PCTP: variants seen among roughly 807,000 people sequenced by gnomAD.
The protein encoded by PCTP is START domain-containing protein 2.
A neutral mutation model predicts 31.0 loss-of-function variants in PCTP; 27 were observed. The observed-to-expected ratio is 0.87, with a 90% CI of 0.64 to 1.20. PCTP has a LOEUF of 1.20. Ranked by LOEUF, PCTP falls within the 50% of genes most tolerant of loss-of-function variation. PCTP has a pLI of 0.00. For synonymous variants in PCTP, 108 were observed against 101.2 expected (o/e 1.07, Z -0.40); for missense variants, 287 against 268.2 (o/e 1.07, Z -0.49).
chr17:55,802,921 C>T (rs114060926), intron 3 of PCTP, among the ~76,000 whole-genome samples: 2,112 of 152,256 alleles, frequency 0.014, 53 homozygotes, highest in African/African-American at 0.048. Context: ...GTCAAATTGT[C>T]TCTATTTGCA....
chr17:55,767,495 AC>A, intron 2 of PCTP, 43 bp downstream of exon 2: 1 of 1,349,320 alleles, frequency 7.4e-7, no homozygotes, highest in Non-Finnish European at 1.1e-6. Flanking sequence ...ACGTACTTTC[AC>A]TTTTGTAGCC....
At chr17:55,787,745 C>T (rs1028110624) in intron 3 of PCTP, 5 of 152,180 alleles carry the variant, frequency 3.3e-5, no homozygotes, top group African/African-American at 9.6e-5. Context: ...ACTGTCTTTT[C>T]GATCAGTCAG....
At chr17:55,755,066 A>G (rs1909937239) in intron 1 of PCTP, among the ~76,000 whole-genome samples, 1 of 152,210 alleles carries the variant, frequency 6.6e-6, no homozygotes, top group South Asian at 2.1e-4. Context: ...CAATTTGTTT[A>G]TATACTTCAT....
intron 3 of PCTP, among the ~76,000 whole-genome samples, chr17:55,820,615 T>C (rs1913083790): frequency 6.6e-6 from 1 of 152,234 alleles, no homozygotes. Context: ...CTTTAACATA[T>C]GAATTTTGAG....
intron 3 of PCTP, among the ~76,000 whole-genome samples, chr17:55,804,282 C>A (rs1317359561): frequency 6.6e-6 from 1 of 152,104 alleles, no homozygotes; most frequent in East Asian, 1.9e-4. Flanking sequence ...TAAATTAGTT[C>A]AACAATTGTG....
chr17:55,827,498 G>A (rs770163854), downstream of PCTP, among the ~76,000 whole-genome samples: 4 of 152,194 alleles, frequency 2.6e-5, no homozygotes, highest in Non-Finnish European at 4.4e-5. Context: ...TATTATTTAC[G>A]CTACTGGATT....
At chr17:55,848,401 A>T in the PCTP span, among the ~76,000 whole-genome samples, 1 of 152,138 alleles carries the variant, frequency 6.6e-6, no homozygotes. Flanking sequence ...GGAGGAGGGT[A>T]ATTGGTTGGG....
downstream of PCTP, among the ~76,000 whole-genome samples, chr17:55,780,469 C>A (rs768036679): frequency 6.6e-6 from 1 of 152,196 alleles, no homozygotes; most frequent in Non-Finnish European, 1.5e-5. Flanking sequence ...TAAAGTATTA[C>A]ATTTTCCTTC....
chr17:55,804,410 C>T (rs558886446), intron 3 of PCTP, among the ~76,000 whole-genome samples: 35 of 152,226 alleles, frequency 2.3e-4, no homozygotes, highest in Admixed American at 8.5e-4. Flanking sequence ...AAGACACATG[C>T]GCATGTATAT....
At chr17:55,788,998 C>A (rs1224133175) in intron 3 of PCTP, among the ~76,000 whole-genome samples, 2 of 152,122 alleles carry the variant, frequency 1.3e-5, no homozygotes, top group East Asian at 1.9e-4. Flanking sequence ...TTGAGCCTGG[C>A]ACCTACTGGC....
At chr17:55,774,653 G>A in intron 4 of PCTP, 139 bp from the exon 5 acceptor site, 2 of 682,518 alleles carry the variant, frequency 2.9e-6, no homozygotes, top group Admixed American at 2.3e-5. Flanking sequence ...TCAATGGAGA[G>A]AAGTCCATCT....
At chr17:55,751,944 GC>G (rs1909741612) in intron 1 of PCTP, among the ~76,000 whole-genome samples, 1 of 152,214 alleles carries the variant, frequency 6.6e-6, no homozygotes, top group Non-Finnish European at 1.5e-5. Context: ...TCGCAGCATG[GC>G]AAGTAGGTTA....
downstream of PCTP, among the ~76,000 whole-genome samples, chr17:55,843,673 T>A (rs977192897): frequency 6.6e-6 from 1 of 152,186 alleles, no homozygotes; most frequent in African/African-American, 2.4e-5. Context: ...CTCGCATGAC[T>A]CTTACCAGCT....
intron 1 of PCTP, among the ~76,000 whole-genome samples, chr17:55,756,432 AT>A (rs1408398425): frequency 6.6e-6 from 1 of 152,192 alleles, no homozygotes; most frequent in Admixed American, 6.5e-5. Context: ...TGGAAGTAAC[AT>A]TTGGCCGATT....
chr17:55,843,832 G>A (rs1362400503), downstream of PCTP, among the ~76,000 whole-genome samples: 1 of 152,180 alleles, frequency 6.6e-6, no homozygotes, highest in African/African-American at 2.4e-5. Flanking sequence ...GTGTGTATAT[G>A]AAATTAAATT....
intron 3 of PCTP, among the ~76,000 whole-genome samples, chr17:55,772,897 A>G (rs1210580855): frequency 6.6e-6 from 1 of 152,134 alleles, no homozygotes; most frequent in African/African-American, 2.4e-5. Flanking sequence ...CATCTGTAGT[A>G]TGGGGATACT....
downstream of PCTP, among the ~76,000 whole-genome samples, chr17:55,823,428 G>C (rs1213546181): frequency 6.6e-6 from 1 of 152,122 alleles, no homozygotes; most frequent in African/African-American, 2.4e-5. Context: ...TGACTAAAAA[G>C]TAGCGACTGG....
At chr17:55,755,973 A>G (rs9905070) in intron 1 of PCTP, among the ~76,000 whole-genome samples, 5,498 of 152,312 alleles carry the variant, frequency 0.036, 321 homozygotes, top group African/African-American at 0.12. Context: ...ACTTGCTTCC[A>G]TACAAGAACT....
At chr17:55,825,062 T>C (rs1905352428), downstream of PCTP, among the ~76,000 whole-genome samples, 1 of 152,186 alleles carries the variant, frequency 6.6e-6, no homozygotes, top group Non-Finnish European at 1.5e-5. Flanking sequence ...CCCCACCAGG[T>C]GCACAAATTT....
Sources: gnomAD v4.1 joint callset for allele counts (sites outside exome capture counted in the v4.1 genomes callset) on GRCh38, gnomAD v4.1.1 for gene constraint, MANE v1.5 for transcripts, NCBI Gene and HGNC (gene_info 2026-07-23, HGNC 2026-07-21) for gene names.